Variants in ADAMTS17 observed in about 807,000 individuals in gnomAD.
The protein encoded by ADAMTS17 is ADAM metallopeptidase with thrombospondin type 1 motif 17, also known as A disintegrin and metalloproteinase with thrombospondin motifs 17.
ADAMTS17 carries 113 observed loss-of-function variants against 141.5 expected under a neutral mutation model. The ratio of observed to expected loss-of-function variants is 0.80; its 90% confidence interval spans 0.69 to 0.93. The LOEUF (loss-of-function observed/expected upper bound fraction) is 0.93, where lower values mean the gene tolerates loss of function less well. ADAMTS17 is among the 40% of genes least tolerant of loss of function. The probability of loss-of-function intolerance (pLI) is 0.00; values close to 1 mark genes in which losing one functional copy is unlikely to be tolerated. For synonymous variants in ADAMTS17, 768 were observed against 630.6 expected (o/e 1.22, Z -3.27); for missense variants, 1,659 against 1,517.9 (o/e 1.09, Z -1.54).
At chr15:100,278,237 T>A (rs919386199) in intron 4 of ADAMTS17, among the ~76,000 whole-genome samples, 1 of 151,646 alleles carries the variant, frequency 6.6e-6, no homozygotes, top group East Asian at 1.9e-4. Context: ...GGTGGTTGCA[T>A]TAACAAGGTG....
At chr15:100,085,601 G>A (rs1003617345) in intron 15 of ADAMTS17, among the ~76,000 whole-genome samples, 27 of 151,866 alleles carry the variant, frequency 1.8e-4, no homozygotes, top group African/African-American at 2.4e-4. Flanking sequence ...GAGAAAGGTC[G>A]GGTTACCCAC....
chr15:100,161,753 C>T (rs906995575), intron 8 of ADAMTS17, among the ~76,000 whole-genome samples: 22 of 152,134 alleles, frequency 1.4e-4, no homozygotes, highest in African/African-American at 5.3e-4. Flanking sequence ...AGATTAAATG[C>T]CACTAGGGGA....
intron 8 of ADAMTS17, among the ~76,000 whole-genome samples, chr15:100,165,095 G>T (rs2141436234): frequency 6.6e-6 from 1 of 152,308 alleles, no homozygotes; most frequent in South Asian, 2.1e-4. Context: ...AAAAGCTCAA[G>T]GGACATTGGA....
chr15:100,305,254 T>A (rs7176349), intron 3 of ADAMTS17, among the ~76,000 whole-genome samples: 71,239 of 152,056 alleles, frequency 0.47, 16,980 homozygotes, highest in South Asian at 0.64. Context: ...TGTTTTAACA[T>A]CTCAACCTGG....
chr15:100,103,114 G>T (rs1031512411), intron 14 of ADAMTS17, among the ~76,000 whole-genome samples: 2 of 152,212 alleles, frequency 1.3e-5, no homozygotes, highest in Non-Finnish European at 2.9e-5. Flanking sequence ...CATGGAAGAG[G>T]CAGGAACATG....
chr15:100,340,244 G>C (rs1488408203), intron 2 of ADAMTS17, among the ~76,000 whole-genome samples: 1 of 152,198 alleles, frequency 6.6e-6, no homozygotes, highest in African/African-American at 2.4e-5. Context: ...CGCGCAGGCA[G>C]GGCAAGTGCA....
intron 7 of ADAMTS17, among the ~76,000 whole-genome samples, chr15:100,221,153 T>TA (rs2042121884): frequency 6.6e-6 from 1 of 152,076 alleles, no homozygotes; most frequent in South Asian, 2.1e-4. Flanking sequence ...GTTTTTTTTT[T>TA]AAACAGTGAC....
chr15:100,092,349 A>G (rs1412553729), intron 15 of ADAMTS17, among the ~76,000 whole-genome samples: 1 of 152,212 alleles, frequency 6.6e-6, no homozygotes, highest in East Asian at 1.9e-4. Flanking sequence ...TCTATTCAGA[A>G]AACACTCAGA....
At chr15:100,078,214 GCT>G (rs1491563400) in intron 15 of ADAMTS17, among the ~76,000 whole-genome samples, 1 of 141,644 alleles carries the variant, frequency 7.1e-6, no homozygotes, top group African/African-American at 3.0e-5. Flanking sequence ...AAAAATCCCA[GCT>G]TTTTTTTTTT....
At chr15:100,144,418 A>C (rs932748678) in intron 10 of ADAMTS17, among the ~76,000 whole-genome samples, 6 of 152,046 alleles carry the variant, frequency 3.9e-5, no homozygotes, top group African/African-American at 1.4e-4. Flanking sequence ...GGCGTGGTGG[A>C]AGGCACCTGT....
rs545781877 is a variant in ADAMTS17, at chr15:100,125,486, A to C, written c.1721+6521T>G. The stretch of plus-strand genomic sequence containing the variant: ...TCCCTTTCTGGTGCATGTGGGCGGC[A>C]CCTCATGATGACCCTGCTGTGTCCC... On this transcript the variant is annotated intron_variant, in intron 12 of 21. Transcript: ENST00000268070. Among the ~76,000 whole-genome samples, 258 of 152,202 alleles carry C rather than the reference A, an allele frequency of 1.7e-3. 6 individuals carry two copies. Among genetic ancestry groups the C allele is most frequent in the Admixed American group, 1.3e-3 (20 of 15,300 alleles).
chr15:99,972,651 G>A lies in ADAMTS17; in HGVS notation c.*1751C>T, dbSNP rs1364953385. Reference sequence around the variant, plus strand: ...CTGCGCAGGCCGCGGGGCGAGGGTGGGCCGCTCCATCCTGACACCCTCGGT... The same window carrying A: ...CTGCGCAGGCCGCGGGGCGAGGGTGAGCCGCTCCATCCTGACACCCTCGGT... On this transcript the variant is annotated 3_prime_UTR_variant, in exon 22 of 22. Transcript: ENST00000268070. 3 of 152,156 alleles carry A rather than the reference G, an allele frequency of 2.0e-5. No individual in the cohort carries two copies. Among genetic ancestry groups the A allele is most frequent in the East Asian group, 1.9e-4 (1 of 5,184 alleles). 9.4% of individuals were successfully genotyped at this position (152,156 alleles called of 1,614,324 possible).
intron 3 of ADAMTS17, among the ~76,000 whole-genome samples, chr15:100,304,317 G>A (rs1320506001): frequency 1.3e-5 from 2 of 152,112 alleles, no homozygotes; most frequent in African/African-American, 2.4e-5. Flanking sequence ...GTGGCCTGCT[G>A]GATTTTCATT....
At position 100,063,846 on chromosome 15, in the gene ADAMTS17, C is replaced by T. The variant is rs1401817958; in HGVS notation, c.2138-9792G>A. On this transcript the variant is annotated intron_variant, in intron 15 of 21. Coordinates refer to ENST00000268070, the MANE Select transcript of ADAMTS17 (RefSeq NM_139057.4). ...CATCCCCCGGCCAAAATCTAGCTACCAAGCCCCCCACAGTGGCTTCAGAAA... is the reference window on the plus strand; with the variant it reads ...CATCCCCCGGCCAAAATCTAGCTACTAAGCCCCCCACAGTGGCTTCAGAAA... 1.2e-5 allele frequency: 11 copies of T among 942,804 alleles called. No individual in the cohort carries two copies. In the East Asian group the frequency reaches 6.1e-4, roughly 53 times the overall value. The allele number at this position is 942,804 out of a possible 1,614,324, so 58.4% of individuals were successfully genotyped here.
intron 7 of ADAMTS17, among the ~76,000 whole-genome samples, chr15:100,229,531 C>T (rs2042412261): frequency 6.6e-6 from 1 of 152,204 alleles, no homozygotes; most frequent in African/African-American, 2.4e-5. Context: ...AGGAAGTCTT[C>T]TCTCTGGACT....
intron 3 of ADAMTS17, among the ~76,000 whole-genome samples, chr15:100,297,982 T>C (rs1033738784): frequency 1.0e-4 from 15 of 150,688 alleles, no homozygotes; most frequent in Admixed American, 2.6e-4. Context: ...CACAGCAGAG[T>C]GCCCAGGAAG....
chr15:100,332,329 T>C (rs949755688), intron 2 of ADAMTS17, among the ~76,000 whole-genome samples: 7 of 152,204 alleles, frequency 4.6e-5, no homozygotes, highest in African/African-American at 1.7e-4. Flanking sequence ...CAGAGCTCCA[T>C]CACAGCTGTG....
intron 3 of ADAMTS17, among the ~76,000 whole-genome samples, chr15:100,299,706 C>A (rs1188685449): frequency 6.6e-6 from 1 of 152,164 alleles, no homozygotes; most frequent in African/African-American, 2.4e-5. Context: ...TCATCTTTGA[C>A]AAGGATGTAA....
At chr15:100,257,251 T>C (rs73481946) in intron 6 of ADAMTS17, among the ~76,000 whole-genome samples, 16,591 of 152,200 alleles carry the variant, frequency 0.11, 1,634 homozygotes, top group African/African-American at 0.26. Context: ...CCAATCTCCC[T>C]GTGAAAACAT....
Sources: gnomAD v4.1 joint callset for allele counts (sites outside exome capture counted in the v4.1 genomes callset) on GRCh38, gnomAD v4.1.1 for gene constraint, MANE v1.5 for transcripts, NCBI Gene and HGNC (gene_info 2026-07-23, HGNC 2026-07-21) for gene names.